The following TMEM165 variants were observed in gnomAD, a reference collection of about 807,000 sequenced individuals.
TMEM165 encodes the protein transmembrane protein 165, also known as putative divalent cation/proton antiporter TMEM165.
A neutral mutation model predicts 30.0 loss-of-function variants in TMEM165; 19 were observed. The observed-to-expected ratio is 0.63, with a 90% CI of 0.44 to 0.93. TMEM165 has a LOEUF of 0.93. Among genes scored for constraint, TMEM165 ranks in the 40% least tolerant of loss-of-function variants. The probability of loss-of-function intolerance (pLI) is 0.00; values close to 1 mark genes in which losing one functional copy is unlikely to be tolerated. For missense variants in TMEM165, 340 were observed against 417.0 expected, an observed-to-expected ratio of 0.82 and a Z score of 1.61; for synonymous variants, 168 against 162.9, an observed-to-expected ratio of 1.03 and a Z score of -0.24.
Position 55,438,343 on chromosome 4 carries a change from AGCTGCTGCTCCTGGGAGCTCTGCT to A in TMEM165, c.408+13710_408+13733del, listed in dbSNP as rs750061999. On this transcript the variant is annotated intron_variant, in intron 3 of 3. Coordinates refer to the TMEM165 transcript ENST00000608091. ...CTGAGATGGTTGCTGAACTGAAGTG[AGCTGCTGCTCCTGGGAGCTCTGCT>A]GCTGCTGCTGCTGCGTTACTGACAA... 4.3e-6 allele frequency: 7 copies of A among 1,614,026 alleles called. No homozygotes were observed. The East Asian group carries it at 1.3e-4, about 31-fold the overall frequency.
chr4:55,421,573 C>A (rs564174304), intron 4 of TMEM165, among the ~76,000 whole-genome samples: 1 of 152,120 alleles, frequency 6.6e-6, no homozygotes, highest in Admixed American at 6.5e-5. Flanking sequence ...GCTGAGATTA[C>A]GCCCGGCCTA....
At chr4:55,450,884 C>A (rs1222793270) in intron 3 of TMEM165, among the ~76,000 whole-genome samples, 6 of 152,048 alleles carry the variant, frequency 3.9e-5, no homozygotes, top group African/African-American at 1.2e-4. Flanking sequence ...CCTGCGGTGC[C>A]AACTACCCAG....
intron 4 of TMEM165, among the ~76,000 whole-genome samples, chr4:55,420,996 G>A (rs558050507): frequency 2.6e-5 from 4 of 151,716 alleles, no homozygotes; most frequent in Admixed American, 6.6e-5. Context: ...TCAGGAGCTC[G>A]AGACCAGCCT....
Position 55,424,568 on chromosome 4 carries a change from G to A in TMEM165, c.823G>A (p.Val275Met), listed in dbSNP as rs1722117737. The A allele has an allele frequency of 1.2e-6, 2 of 1,613,824 alleles. No individual in the cohort carries two copies. The highest frequency in any genetic ancestry group is 2.7e-5 in the African/African-American group (2 of 74,928). The change falls in exon 5 of 6, where the codon GTG (valine) becomes ATG (methionine). Residue 275 changes from valine to methionine, a missense_variant. This residue lies in a region of TMEM165 where 220 missense variants were observed against 307.6 expected (regional missense o/e 0.72). Coordinates refer to ENST00000381334, the MANE Select transcript of TMEM165 (RefSeq NM_018475.5). ...DPYGVAVGGT[V>M]GHCLCTGLAV... The stretch of plus-strand genomic sequence containing the variant: ...CTATGGTGTAGCCGTGGGTGGAACT[G>A]TGGGGCACTGCCTGTGCACGGGATT...
In TMEM165 at chr4:55,395,984, G is replaced by A. The variant is rs1157848519; in HGVS notation, c.-206G>A. On this transcript the variant is annotated 5_prime_UTR_variant, in exon 1 of 6. Transcript: ENST00000381334. ...CTCCAGTTTAGCCGCCGCCGGAGAG[G>A]ACGGGCGCCGAGCCGGGGCTGCGGA... 1 of 391,002 alleles carries A rather than the reference G, an allele frequency of 2.6e-6. No homozygotes were observed. Among genetic ancestry groups the A allele is most frequent in the African/African-American group, 2.1e-5 (1 of 47,184 alleles). The allele number at this position is 391,002 out of a possible 1,614,324, so 24.2% of individuals were successfully genotyped here. A position where few individuals can be genotyped will look rare whatever the true frequency, so the allele number is the denominator to read the frequency against.
intron 4 of TMEM165, chr4:55,423,212 C>A (rs711533): frequency 0.81 from 123,729 of 152,224 alleles, 50,458 homozygotes; most frequent in East Asian, 0.98. Flanking sequence ...TGGCTCCACT[C>A]TGCTTGGCTC....
At chr4:55,449,823 CAATA>C (rs1724260628) in intron 3 of TMEM165, among the ~76,000 whole-genome samples, 1 of 151,888 alleles carries the variant, frequency 6.6e-6, no homozygotes, top group African/African-American at 2.4e-5. Flanking sequence ...TAAAAAAACA[CAATA>C]AATAGTTGCC....
chr4:55,397,969 C>T (rs1277728289), intron 1 of TMEM165, among the ~76,000 whole-genome samples: 1 of 152,098 alleles, frequency 6.6e-6, no homozygotes, highest in Non-Finnish European at 1.5e-5. Context: ...TCTCAAACTC[C>T]TGGGCTCAAG....
At chr4:55,426,563 T>C (rs1420767790), downstream of TMEM165, among the ~76,000 whole-genome samples, 1 of 152,240 alleles carries the variant, frequency 6.6e-6, no homozygotes, top group Non-Finnish European at 1.5e-5. Context: ...CTCAGCCTTT[T>C]ATATTCTAGA....
chr4:55,421,052 C>T (rs1228454623), intron 4 of TMEM165, among the ~76,000 whole-genome samples: 2 of 151,042 alleles, frequency 1.3e-5, no homozygotes, highest in Non-Finnish European at 1.5e-5. Flanking sequence ...CATGGTGGCC[C>T]ACGCCTGTAG....
intron 1 of TMEM165, among the ~76,000 whole-genome samples, chr4:55,404,630 G>C (rs1721199142): frequency 6.6e-6 from 1 of 151,668 alleles, no homozygotes; most frequent in African/African-American, 2.4e-5. Flanking sequence ...TGGAGATGAG[G>C]TCTCACTATG....
chr4:55,414,952 A>G (rs1437798010), intron 2 of TMEM165, among the ~76,000 whole-genome samples: 1 of 152,204 alleles, frequency 6.6e-6, no homozygotes, highest in Admixed American at 6.5e-5. Context: ...CATTGGTGAC[A>G]TTAATTTTGG....
At chr4:55,435,660 C>G in intron 3 of TMEM165, 1 of 1,501,720 alleles carries the variant, frequency 6.7e-7, no homozygotes, top group South Asian at 1.1e-5. Context: ...AATAGTTACT[C>G]ACACTCTCCC....
At chr4:55,413,081 G>T (rs911831087) in intron 2 of TMEM165, among the ~76,000 whole-genome samples, 3 of 151,746 alleles carry the variant, frequency 2.0e-5, no homozygotes, top group African/African-American at 7.3e-5. Context: ...CTGGGCTCAA[G>T]TGATCCTTCC....
chr4:55,406,861 T>C (rs1230958204), intron 1 of TMEM165, among the ~76,000 whole-genome samples: 1 of 152,056 alleles, frequency 6.6e-6, no homozygotes, highest in Non-Finnish European at 1.5e-5. Flanking sequence ...AGGGTCTCAC[T>C]TTGTTGCCCA....
intron 4 of TMEM165, among the ~76,000 whole-genome samples, chr4:55,420,146 T>TATATA (rs375498267): frequency 0.021 from 855 of 40,982 alleles, 93 homozygotes; most frequent in East Asian, 0.04. Context: ...TATTTATTTA[T>TATATA]TTTATTTATT....
downstream of TMEM165, among the ~76,000 whole-genome samples, chr4:55,426,373 AAACT>A (rs369780150): frequency 6.6e-5 from 10 of 152,178 alleles, no homozygotes; most frequent in African/African-American, 2.2e-4. Context: ...AAAAAGAAAA[AAACT>A]AACTCACCCA....
At chr4:55,453,185 G>T in exon 4 of TMEM165, 1 of 1,331,362 alleles carries the variant, frequency 7.5e-7, no homozygotes, top group Non-Finnish European at 1.1e-6. Context: ...TTAAAATACT[G>T]CACAGCTGTA....
chr4:55,403,119 G>T (rs1405030404), intron 1 of TMEM165: 12 of 558,832 alleles, frequency 2.1e-5, no homozygotes, highest in Non-Finnish European at 3.1e-5. Flanking sequence ...ACTTAGTAGT[G>T]CCCAGGAGAC....
Sources: gnomAD v4.1 joint callset for allele counts (sites outside exome capture counted in the v4.1 genomes callset) on GRCh38, gnomAD v4.1.1 for gene constraint, gnomAD v4.1.1 regional missense constraint, MANE v1.5 for transcripts, NCBI Gene and HGNC (gene_info 2026-07-23, HGNC 2026-07-21) for gene names.